Variants in DSCAM observed in about 807,000 individuals in gnomAD.
DSCAM encodes the protein cell adhesion molecule DSCAM.
In DSCAM, 47 loss-of-function variants were observed where a neutral mutation model predicts 217.7. That is an observed-to-expected ratio of 0.22 (90% confidence interval 0.17 to 0.28). The LOEUF is 0.28. DSCAM is among the 10% of genes least tolerant of loss of function. The pLI is 1.00. For missense variants in DSCAM, 2,080 were observed against 2,618.3 expected, an observed-to-expected ratio of 0.79 and a Z score of 4.49; for synonymous variants, 1,056 against 1,015.3, an observed-to-expected ratio of 1.04 and a Z score of -0.76.
At chr21:40,703,878 T>C (rs1296349449) in intron 2 of DSCAM, among the ~76,000 whole-genome samples, 4 of 152,150 alleles carry the variant, frequency 2.6e-5, no homozygotes, top group Non-Finnish European at 5.9e-5. Flanking sequence ...TTTTAATTTT[T>C]TTGAATAAAG....
At chr21:40,424,664 A>G (rs2075455536) in intron 3 of DSCAM, among the ~76,000 whole-genome samples, 1 of 152,216 alleles carries the variant, frequency 6.6e-6, no homozygotes. Context: ...TTAAAGATAA[A>G]AAATCTATTT....
intron 8 of DSCAM, among the ~76,000 whole-genome samples, chr21:40,321,012 T>C (rs1257518283): frequency 6.6e-6 from 1 of 152,220 alleles, no homozygotes; most frequent in Non-Finnish European, 1.5e-5. Context: ...AGGGTGGATA[T>C]CACATTCATT....
At chr21:40,020,237 C>T (rs2088238004) in intron 32 of DSCAM, among the ~76,000 whole-genome samples, 1 of 152,162 alleles carries the variant, frequency 6.6e-6, no homozygotes, top group African/African-American at 2.4e-5. Flanking sequence ...ATAAGATGTG[C>T]CTGTCACCTT....
intron 11 of DSCAM, among the ~76,000 whole-genome samples, chr21:40,252,842 C>T (rs920707716): frequency 6.6e-6 from 1 of 152,052 alleles, no homozygotes; most frequent in Non-Finnish European, 1.5e-5. Context: ...ACGTATAAAA[C>T]AAAATTGGGG....
intron 3 of DSCAM, among the ~76,000 whole-genome samples, chr21:40,691,092 A>T (rs1294523257): frequency 6.6e-6 from 1 of 152,144 alleles, no homozygotes; most frequent in Non-Finnish European, 1.5e-5. Context: ...AATAAAAGTT[A>T]AAAAAATCCT....
chr21:40,134,003 C>A lies in DSCAM; in HGVS notation c.3413G>T (p.Gly1138Val). The A allele has an allele frequency of 1.9e-6, 3 of 1,607,378 alleles. No individual in the cohort carries two copies. Among genetic ancestry groups the A allele is most frequent in the Non-Finnish European group, 2.5e-6 (3 of 1,177,546 alleles). ...YWANLMDGELGEIKNITTTQP... is the reference protein window; with the variant it reads ...YWANLMDGELVEIKNITTTQP... Reference sequence around the variant, plus strand: ...TGTGGTGGTGATGTTTTTAATCTCACCCAGCTCTGGAGGACAAGAACAAGA... The same window carrying A: ...TGTGGTGGTGATGTTTTTAATCTCAACCAGCTCTGGAGGACAAGAACAAGA... The change falls in exon 19 of 33, where the codon GGT becomes GTT. Residue 1138 changes from glycine (G) to valine (V), a missense_variant. Physicochemically the swap from Gly to Val is moderately radical, Grantham distance 109. Around this residue, in one of 5 missense-constraint regions of DSCAM, gnomAD observed 1,144 missense variants for 1,421.1 expected, o/e 0.81. Coordinates refer to ENST00000400454, the MANE Select transcript of DSCAM (RefSeq NM_001389.5).
In DSCAM at chr21:40,144,177, C is replaced by T. The variant is rs1462851704; in HGVS notation, c.3259+314G>A. On this transcript the variant is annotated intron_variant, in intron 17 of 32. Coordinates refer to ENST00000400454, the MANE Select transcript of DSCAM (RefSeq NM_001389.5). This position sits in a 1 kb window ranked among gnomAD's most constrained non-coding sequence, Gnocchi z 4.8. ...TTAGCAAATAGCATTTCTGCATTCT[C>T]GTGAGACTTCTGCAGTAATAGAGAG... is the stretch of plus-strand genomic sequence containing the variant. Among the ~76,000 whole-genome samples the T allele has an allele frequency of 2.0e-5, 3 of 152,248 alleles. No homozygotes were observed. The highest frequency in any genetic ancestry group is 7.2e-5 in the African/African-American group (3 of 41,470).
chr21:40,682,499 CAAAG>C (rs879694385), intron 3 of DSCAM, among the ~76,000 whole-genome samples: 3 of 129,800 alleles, frequency 2.3e-5, no homozygotes, highest in Non-Finnish European at 3.2e-5. Flanking sequence ...GCCCTAACCC[CAAAG>C]AAAGAGAGAA....
At chr21:40,554,298 TCTTA>T (rs1177747809) in intron 3 of DSCAM, among the ~76,000 whole-genome samples, 1 of 152,028 alleles carries the variant, frequency 6.6e-6, no homozygotes, top group Admixed American at 6.6e-5. Flanking sequence ...TTCTGCTAAG[TCTTA>T]CTTAGGTGCA....
chr21:40,355,767 A>T (rs993038583), intron 4 of DSCAM, among the ~76,000 whole-genome samples: 1 of 152,214 alleles, frequency 6.6e-6, no homozygotes, highest in Non-Finnish European at 1.5e-5. Context: ...CAAGGAATGG[A>T]TATTCACTGT....
chr21:40,347,298 C>CTAAAAAA (rs2074569137), intron 6 of DSCAM, among the ~76,000 whole-genome samples: 1 of 79,416 alleles, frequency 1.3e-5, no homozygotes, highest in African/African-American at 4.5e-5. Flanking sequence ...AACTCCATCT[C>CTAAAAAA]AAAAAAAAAA....
At chr21:40,256,407 A>AGAGAGAGAGAGG (rs1156531211) in intron 11 of DSCAM, among the ~76,000 whole-genome samples, 5 of 148,654 alleles carry the variant, frequency 3.4e-5, no homozygotes, top group African/African-American at 1.2e-4. Flanking sequence ...AGACAGACAG[A>AGAGAGAGAGAGG]GAGAGAGAGA....
rs538520052 is a variant in DSCAM at position 40,025,510 on chromosome 21, T to A, written c.5687-12124A>T. On this transcript the variant is annotated intron_variant, in intron 32 of 32. Coordinates refer to ENST00000400454, the MANE Select transcript of DSCAM (RefSeq NM_001389.5). ...TGAATCCATCTGGTCCTGGACTCTT[T>A]TTGGTTGGTAAGCTATTGATTGTTG... Among the ~76,000 whole-genome samples, 42 of 149,644 alleles carry A rather than the reference T, an allele frequency of 2.8e-4. No homozygotes were observed. In the East Asian group the frequency reaches 8.0e-3, roughly 29 times the overall value.
chr21:40,808,129 C>T lies in DSCAM; in HGVS notation c.43+38490G>A, dbSNP rs574377884. Among the ~76,000 whole-genome samples, 7 of 152,254 alleles carry T rather than the reference C, an allele frequency of 4.6e-5. 1 individual carries two copies. In the South Asian group the frequency reaches 1.5e-3, roughly 32 times the overall value. On this transcript the variant is annotated intron_variant, in intron 1 of 32. Coordinates refer to ENST00000400454, the MANE Select transcript of DSCAM (RefSeq NM_001389.5). The stretch of plus-strand genomic sequence containing the variant: ...CAATGGGTGTTGCTGGAGCCCAACT[C>T]AATTTGGGACAAGTCTGAATGACCA...
intron 3 of DSCAM, among the ~76,000 whole-genome samples, chr21:40,379,650 C>G (rs1285685002): frequency 6.6e-6 from 1 of 152,192 alleles, no homozygotes; most frequent in Non-Finnish European, 1.5e-5. Flanking sequence ...GTCAGAGCTG[C>G]CTCCTCAAAA....
chr21:40,212,460 T>A (rs545358026), intron 11 of DSCAM: 3 of 154,274 alleles, frequency 1.9e-5, no homozygotes, highest in Non-Finnish European at 2.9e-5. Context: ...ACCTCTGCAG[T>A]CTAGTTGTCG....
At chr21:40,661,709 C>T (rs2090140893) in intron 3 of DSCAM, among the ~76,000 whole-genome samples, 1 of 152,060 alleles carries the variant, frequency 6.6e-6, no homozygotes, top group Non-Finnish European at 1.5e-5. Flanking sequence ...TTTCCAAATT[C>T]TAGAAAGACT....
intron 3 of DSCAM, among the ~76,000 whole-genome samples, chr21:40,415,803 C>A (rs1429833218): frequency 1.3e-5 from 2 of 152,122 alleles, no homozygotes; most frequent in African/African-American, 2.4e-5. Flanking sequence ...CCTCTCTAAA[C>A]TCTCCCAACC....
At chr21:40,059,456 T>C (rs2146513331) in intron 28 of DSCAM, among the ~76,000 whole-genome samples, 1 of 152,252 alleles carries the variant, frequency 6.6e-6, no homozygotes, top group African/African-American at 2.4e-5. Flanking sequence ...GTGAAACAGG[T>C]GGATATCTAG....
Sources: gnomAD v4.1 joint callset for allele counts (sites outside exome capture counted in the v4.1 genomes callset) on GRCh38, gnomAD v4.1.1 for gene constraint, gnomAD v4.1.1 regional missense constraint, Gnocchi (gnomAD v3.1) non-coding constraint, MANE v1.5 for transcripts, NCBI Gene and HGNC (gene_info 2026-07-23, HGNC 2026-07-21) for gene names.